The following C2CD2 variants were observed in gnomAD, a reference collection of about 807,000 sequenced individuals.
The protein encoded by C2CD2 is C2 domain-containing protein 2.
A neutral mutation model predicts 74.3 loss-of-function variants in C2CD2; 43 were observed. That is an observed-to-expected ratio of 0.58 (90% CI 0.45 to 0.75). The LOEUF is 0.75. C2CD2 is among the 30% of genes least tolerant of loss of function. The probability of loss-of-function intolerance (pLI) is 0.00; values close to 1 mark genes in which losing one functional copy is unlikely to be tolerated. For synonymous variants in C2CD2, 422 were observed against 390.7 expected (o/e 1.08, Z -0.94); for missense variants, 801 against 916.3 (o/e 0.87, Z 1.63).
rs2065067610 is a variant in C2CD2 at position 41,914,645 on chromosome 21, A to G, written c.797T>C (p.Leu266Pro). The G allele has an allele frequency of 1.2e-6, 2 of 1,613,978 alleles. No homozygotes were observed. The highest frequency in any genetic ancestry group is 1.7e-6 in the Non-Finnish European group (2 of 1,179,856). Residue 266 changes from leucine (L) to proline (P), a missense_variant, in exon 6 of 14, where the codon CTG (leucine) becomes CCG (proline). Physicochemically the swap from Leu to Pro is moderately conservative, Grantham distance 98. Transcript: ENST00000380486. ...KPPRAHELKL[L>P]VRNIHVLLLS... The stretch of plus-strand genomic sequence containing the variant: ...CAGCAAGACGTGGATGTTCCTCACC[A>G]GTAGCTTCAGCTCGTGAGCCCTTGG...
intron 12 of C2CD2, 93 bp downstream of exon 12, chr21:41,901,529 C>T: frequency 7.5e-7 from 1 of 1,326,188 alleles, no homozygotes; most frequent in African/African-American, 1.4e-5. Context: ...GGACGTTAAC[C>T]AAGTGCTTGG....
At position 41,887,901 on chromosome 21, in the gene C2CD2, AC is replaced by A. The variant is rs2064703224; in HGVS notation, c.*1222del. On this transcript the variant is annotated 3_prime_UTR_variant, in exon 14 of 14. Coordinates refer to ENST00000380486, the MANE Select transcript of C2CD2 (RefSeq NM_015500.2). ...GACCAGCATGTCTACTGGAAGTGGC[AC>A]ATTCAGAAGTGAGATCTGTGAATGA... 1 of 152,272 alleles carries A rather than the reference AC, an allele frequency of 6.6e-6. No individual in the cohort carries two copies. Among genetic ancestry groups the A allele is most frequent in the Non-Finnish European group, 1.5e-5 (1 of 68,042 alleles). 9.4% of individuals were successfully genotyped at this position (152,272 alleles called of 1,614,324 possible).
chr21:41,927,615 C>A (rs930300851), intron 2 of C2CD2, among the ~76,000 whole-genome samples: 1 of 151,572 alleles, frequency 6.6e-6, no homozygotes, highest in African/African-American at 2.4e-5. Flanking sequence ...GGACTACAGG[C>A]ACGTGCCACC....
rs2065392431 is a variant in C2CD2 at position 41,945,694 on chromosome 21, C to T, written c.280-3449G>A. Among the ~76,000 whole-genome samples the T allele has an allele frequency of 6.6e-6, 1 of 152,184 alleles. No homozygotes were observed. Among genetic ancestry groups the T allele is most frequent in the Non-Finnish European group, 1.5e-5 (1 of 68,036 alleles). ...AGGTAACTGGATCATGGGGCAGTCT[C>T]TCCCATACTGTTCTCATATAGTGAG... is the stretch of plus-strand genomic sequence containing the variant. On this transcript the variant is annotated intron_variant, in intron 1 of 13. Coordinates refer to ENST00000380486, the MANE Select transcript of C2CD2 (RefSeq NM_015500.2). This position sits in a 1 kb window ranked among gnomAD's most constrained non-coding sequence, Gnocchi z 4.2.
rs1025173048 is a variant in C2CD2, at chr21:41,923,157, G to A, written c.379-1072C>T. 6.6e-6 allele frequency among the ~76,000 whole-genome samples: 1 copy of A among 151,978 alleles called. No individual in the cohort carries two copies. The highest frequency in any genetic ancestry group is 2.4e-5 in the African/African-American group (1 of 41,386). The stretch of plus-strand genomic sequence containing the variant: ...TTTACAGGCGTGTGCTACTACTCCC[G>A]GCTAATTTTTTGTGTTTTTAGTAGA... On this transcript the variant is annotated intron_variant, in intron 2 of 13. Coordinates refer to ENST00000380486, the MANE Select transcript of C2CD2 (RefSeq NM_015500.2). This position sits in a 1 kb window ranked among gnomAD's most constrained non-coding sequence, Gnocchi z 5.8.
rs1475537259 is a variant in C2CD2, at chr21:41,939,089, C to T, written c.378+3058G>A. Among the ~76,000 whole-genome samples, 2 of 152,224 alleles carry T rather than the reference C, an allele frequency of 1.3e-5. No homozygotes were observed. Among genetic ancestry groups the T allele is most frequent in the East Asian group, 3.9e-4 (2 of 5,182 alleles). On this transcript the variant is annotated intron_variant, in intron 2 of 13. Transcript: ENST00000380486. This position sits in a 1 kb window ranked among gnomAD's most constrained non-coding sequence, Gnocchi z 5.5. ...GCTGAATTCTATTCCACCGCGTGGA[C>T]GAGCCACAGTTTATTGATCTATTCG...
At chr21:41,897,976 G>A (rs1483187855) in intron 13 of C2CD2, among the ~76,000 whole-genome samples, 1 of 152,236 alleles carries the variant, frequency 6.6e-6, no homozygotes, top group African/African-American at 2.4e-5. Flanking sequence ...CAACTAAAGT[G>A]TCTCCAGACA....
At position 41,899,912 on chromosome 21, in the gene C2CD2, G is replaced by A. The variant is rs541682177; in HGVS notation, c.1561-550C>T. Among the ~76,000 whole-genome samples the A allele has an allele frequency of 4.0e-5, 6 of 151,812 alleles. No individual in the cohort carries two copies. The highest frequency in any genetic ancestry group is 1.3e-4 in the Admixed American group (2 of 15,236). On this transcript the variant is annotated intron_variant, in intron 12 of 13. Coordinates refer to ENST00000380486, the MANE Select transcript of C2CD2 (RefSeq NM_015500.2). This position sits in a 1 kb window ranked among gnomAD's most constrained non-coding sequence, Gnocchi z 4.4. ...GGGGAAAGTTTGGGGAGGAGGGCACGGGGGCTCCCTTCCTTGGAGGGGAGA... is the reference window on the plus strand; with the variant it reads ...GGGGAAAGTTTGGGGAGGAGGGCACAGGGGCTCCCTTCCTTGGAGGGGAGA...
Position 41,927,102 on chromosome 21 carries a change from C to T in C2CD2, c.379-5017G>A, listed in dbSNP as rs1429816192. ...AAACTCCATTAGAGCTAAAGATTAT[C>T]CCAACATCTACAACATTTAATCCTG... On this transcript the variant is annotated intron_variant, in intron 2 of 13. Transcript: ENST00000380486. 2.6e-5 allele frequency among the ~76,000 whole-genome samples: 4 copies of T among 152,316 alleles called. No individual in the cohort carries two copies. In the East Asian group the frequency reaches 7.7e-4, roughly 29 times the overall value.
rs547371162 is a variant in C2CD2, at chr21:41,926,166, G to A, written c.379-4081C>T. Among the ~76,000 whole-genome samples the A allele has an allele frequency of 5.3e-5, 8 of 152,290 alleles. No individual in the cohort carries two copies. The highest frequency in any genetic ancestry group is 2.0e-4 in the Admixed American group (3 of 15,296). ...AGCCCAGGTCTGCATCTGCAGGAGC[G>A]AGCTCCCTCGACAACAACCAACCAT... On this transcript the variant is annotated intron_variant, in intron 2 of 13. Transcript: ENST00000380486. The surrounding 1 kb of genome is among the most constrained non-coding windows in gnomAD (Gnocchi z 8.0).
chr21:41,901,839 A>G (rs1231278442), intron 11 of C2CD2, 90 bp from the exon 12 acceptor site: 17 of 1,166,774 alleles, frequency 1.5e-5, no homozygotes, highest in Non-Finnish European at 2.2e-5. Flanking sequence ...GTCGATAAGC[A>G]ATGGTTAGCA....
intron 2 of C2CD2, among the ~76,000 whole-genome samples, chr21:41,928,050 ATC>A (rs1252217742): frequency 6.6e-5 from 10 of 152,226 alleles, no homozygotes; most frequent in Non-Finnish European, 1.2e-4. Context: ...ACACAGAAAG[ATC>A]TGTTTGTGAA....
At chr21:41,941,667 G>A (rs570483131) in intron 2 of C2CD2, among the ~76,000 whole-genome samples, 60 of 152,098 alleles carry the variant, frequency 3.9e-4, no homozygotes, top group African/African-American at 1.3e-3. Context: ...AAATATATTC[G>A]CAGAGTTCTA....
At chr21:41,905,091 C>T (rs2064944280) in intron 11 of C2CD2, among the ~76,000 whole-genome samples, 1 of 150,778 alleles carries the variant, frequency 6.6e-6, no homozygotes, top group Admixed American at 6.6e-5. Flanking sequence ...TGTCCTGAGT[C>T]CTACTTATTT....
rs1023667707 is a variant in C2CD2 at position 41,939,969 on chromosome 21, T to A, written c.378+2178A>T. On this transcript the variant is annotated intron_variant, in intron 2 of 13. Coordinates refer to ENST00000380486, the MANE Select transcript of C2CD2 (RefSeq NM_015500.2). The surrounding 1 kb of genome is among the most constrained non-coding windows in gnomAD (Gnocchi z 5.5). ...CAGCACTGTCTGTGCGGACTGAGCA[T>A]CCCGAATCCGAACATCCCAAATCTG... Among the ~76,000 whole-genome samples the A allele has an allele frequency of 1.3e-5, 2 of 152,176 alleles. No individual in the cohort carries two copies. The highest frequency in any genetic ancestry group is 1.3e-4 in the Admixed American group (2 of 15,280).
intron 13 of C2CD2, among the ~76,000 whole-genome samples, chr21:41,894,334 C>G (rs1050111178): frequency 5.9e-5 from 9 of 152,124 alleles, no homozygotes; most frequent in Non-Finnish European, 1.0e-4. Context: ...CCTCAATTAG[C>G]TATTTATGTT....
In C2CD2 at chr21:41,922,091, G is replaced by A. The variant is rs1398893770; in HGVS notation, c.379-6C>T. 4 of 1,565,310 alleles carry A rather than the reference G, an allele frequency of 2.6e-6. No homozygotes were observed. The highest frequency in any genetic ancestry group is 1.1e-5 in the South Asian group (1 of 90,092). On this transcript the variant is annotated splice_polypyrimidine_tract_variant and splice_region_variant and intron_variant, in intron 2 of 13. Coordinates refer to ENST00000380486, the MANE Select transcript of C2CD2 (RefSeq NM_015500.2). ...ACCACGTGACAGACCACCACCTGGA[G>A]GAGGCACAGGTAAGGGAGAAAACTG... is the stretch of plus-strand genomic sequence containing the variant.
intron 2 of C2CD2, among the ~76,000 whole-genome samples, chr21:41,941,395 A>G (rs528392748): frequency 6.6e-6 from 1 of 152,144 alleles, no homozygotes; most frequent in Non-Finnish European, 1.5e-5. Context: ...AGAGAGAGAA[A>G]ATGTCTTAGG....
In C2CD2 at chr21:41,907,766, G is replaced by C; in HGVS notation, c.1037C>G (p.Thr346Arg). The change falls in exon 9 of 14, where the codon ACA (threonine) becomes AGA (arginine). Residue 346 changes from threonine (T) to arginine (R), a missense_variant. Coordinates refer to ENST00000380486, the MANE Select transcript of C2CD2 (RefSeq NM_015500.2). Reference sequence around the variant, plus strand: ...CTTCTTAAATAAGTCCAGAGGAACTGTCGCCGTCGCCAGCAGACCTGAAAA... The same window carrying C: ...CTTCTTAAATAAGTCCAGAGGAACTCTCGCCGTCGCCAGCAGACCTGAAAA... ...RSSEGLLATA[T>R]VPLDLFKKQP... 6.2e-7 allele frequency: 1 copy of C among 1,613,944 alleles called. No homozygotes were observed. The highest frequency in any genetic ancestry group is 8.5e-7 in the Non-Finnish European group (1 of 1,179,942).
Sources: allele counts gnomAD v4.1 joint callset (sites outside exome capture counted in the v4.1 genomes callset), GRCh38; gene constraint gnomAD v4.1.1; non-coding constraint Gnocchi (gnomAD v3.1); transcripts MANE v1.5; gene names NCBI Gene and HGNC (gene_info 2026-07-23, HGNC 2026-07-21).